The following SLIT2 variants were observed in gnomAD, a reference collection of about 807,000 sequenced individuals.
The protein encoded by SLIT2 is slit homolog 2 protein.
Under a neutral mutation model 185.7 loss-of-function variants are expected in SLIT2, and 41 were observed. The observed-to-expected ratio is 0.22, with a 90% CI of 0.17 to 0.29. The LOEUF is 0.29. SLIT2 is among the 10% of genes least tolerant of loss of function. SLIT2 has a pLI of 1.00. For synonymous variants in SLIT2, 693 were observed against 680.2 expected (o/e 1.02, Z -0.29); for missense variants, 1,571 against 1,909.0 (o/e 0.82, Z 3.30).
chr4:20,441,529 C>G (rs1279137885), intron 4 of SLIT2, among the ~76,000 whole-genome samples: 1 of 147,890 alleles, frequency 6.8e-6, no homozygotes, highest in African/African-American at 2.5e-5. Flanking sequence ...GTCTCTCTCT[C>G]TCTCTCTCTC....
At chr4:20,306,689 A>G (rs980012102) in intron 4 of SLIT2, among the ~76,000 whole-genome samples, 5 of 151,904 alleles carry the variant, frequency 3.3e-5, no homozygotes, top group Non-Finnish European at 7.4e-5. Context: ...ATTCATGGAG[A>G]AATCTTGCCT....
chr4:20,368,096 T>C (rs896493520), intron 4 of SLIT2, among the ~76,000 whole-genome samples: 1 of 152,080 alleles, frequency 6.6e-6, no homozygotes, highest in South Asian at 2.1e-4. Context: ...TGCTTTATGT[T>C]CTGTAAACAT....
chr4:20,276,994 T>C (rs1367187708), intron 4 of SLIT2, among the ~76,000 whole-genome samples: 1 of 152,236 alleles, frequency 6.6e-6, no homozygotes, highest in Non-Finnish European at 1.5e-5. Context: ...ATGGGAAAAT[T>C]GGACTGGAAG....
At chr4:20,257,485 T>C (rs1711966671) in intron 2 of SLIT2, among the ~76,000 whole-genome samples, 1 of 152,034 alleles carries the variant, frequency 6.6e-6, no homozygotes, top group Non-Finnish European at 1.5e-5. Flanking sequence ...TGTGTATCCA[T>C]GTCAGAATTG....
chr4:20,410,534 G>A (rs1727160694), intron 4 of SLIT2, among the ~76,000 whole-genome samples: 1 of 151,806 alleles, frequency 6.6e-6, no homozygotes, highest in Non-Finnish European at 1.5e-5. Flanking sequence ...GATTACAGGT[G>A]TGAGCCACTG....
At chr4:20,308,234 G>A (rs928192247) in intron 4 of SLIT2, among the ~76,000 whole-genome samples, 1 of 152,100 alleles carries the variant, frequency 6.6e-6, no homozygotes, top group Non-Finnish European at 1.5e-5. Context: ...ATTCAGAAAC[G>A]GGATGTCATA....
intron 4 of SLIT2, among the ~76,000 whole-genome samples, chr4:20,391,519 C>T (rs973087690): frequency 6.6e-6 from 1 of 152,118 alleles, no homozygotes; most frequent in Non-Finnish European, 1.5e-5. Flanking sequence ...ATGGCTGATC[C>T]ATTTAGACTT....
chr4:20,465,552 C>T, intron 4 of SLIT2, among the ~76,000 whole-genome samples: 1 of 152,216 alleles, frequency 6.6e-6, no homozygotes, highest in African/African-American at 2.4e-5. Context: ...AGGGGACAAC[C>T]ACACATAAAC....
intron 4 of SLIT2, among the ~76,000 whole-genome samples, chr4:20,281,604 A>C (rs554332064): frequency 9.9e-5 from 15 of 152,282 alleles, no homozygotes; most frequent in Non-Finnish European, 1.8e-4. Flanking sequence ...TGAATTCCAC[A>C]CCTAATGAAT....
rs1715520017 is a variant in SLIT2, at chr4:20,472,524, CTATATATA to C, written c.467+4702_467+4709del. On this transcript the variant is annotated intron_variant, in intron 5 of 36. Transcript: ENST00000504154. ...TATCTATATATAGATAGATATATAT[CTATATATA>C]GATATATCTATATCTATATATAGAT... Among the ~76,000 whole-genome samples the C allele has an allele frequency of 2.6e-4, 2 of 7,752 alleles. 1 individual carries two copies. Among genetic ancestry groups the C allele is most frequent in the Non-Finnish European group, 3.9e-4 (2 of 5,074 alleles). The allele number at this position is 7,752 out of a possible 152,430, so 5.1% of individuals were successfully genotyped here.
chr4:20,453,090 T>C (rs891464462), intron 4 of SLIT2, among the ~76,000 whole-genome samples: 1 of 152,240 alleles, frequency 6.6e-6, no homozygotes, highest in Non-Finnish European at 1.5e-5. Context: ...TGTGGAAAGA[T>C]TAGCTTAAGA....
rs1717046210 is a variant in SLIT2 at position 20,484,780 on chromosome 4, A to G, written c.540-1420A>G. 6.6e-6 allele frequency among the ~76,000 whole-genome samples: 1 copy of G among 152,098 alleles called. No homozygotes were observed. The highest frequency in any genetic ancestry group is 2.4e-5 in the African/African-American group (1 of 41,420). On this transcript the variant is annotated intron_variant, in intron 6 of 36. Transcript: ENST00000504154. This position sits in a 1 kb window ranked among gnomAD's most constrained non-coding sequence, Gnocchi z 4.3. Reference sequence around the variant, plus strand: ...TCTCTAGCTTCCCTTGGAAAATCTGATTGTTTGACAGCCCTCCCTTACAGC... The same window carrying G: ...TCTCTAGCTTCCCTTGGAAAATCTGGTTGTTTGACAGCCCTCCCTTACAGC...
intron 4 of SLIT2, among the ~76,000 whole-genome samples, chr4:20,388,944 A>G (rs1725181617): frequency 1.4e-5 from 2 of 146,456 alleles, no homozygotes; most frequent in South Asian, 4.3e-4. Context: ...ATACACACAT[A>G]CATGTATATA....
chr4:20,325,965 G>A, intron 4 of SLIT2, among the ~76,000 whole-genome samples: 1 of 152,156 alleles, frequency 6.6e-6, no homozygotes, highest in East Asian at 1.9e-4. Flanking sequence ...CAAAAATTTA[G>A]TGCTTGGTTT....
intron 8 of SLIT2, among the ~76,000 whole-genome samples, chr4:20,489,477 A>T (rs1186999518): frequency 1.3e-5 from 2 of 152,224 alleles, no homozygotes; most frequent in Non-Finnish European, 1.5e-5. Flanking sequence ...AATAACAAAC[A>T]TCTAAAAACA....
chr4:20,335,863 A>G (rs1720454314), intron 4 of SLIT2, among the ~76,000 whole-genome samples: 1 of 152,048 alleles, frequency 6.6e-6, no homozygotes, highest in South Asian at 2.1e-4. Flanking sequence ...AATAATAACT[A>G]CCATTTATGG....
intron 12 of SLIT2, among the ~76,000 whole-genome samples, chr4:20,522,831 G>T (rs1016446395): frequency 6.6e-6 from 1 of 152,118 alleles, no homozygotes; most frequent in Non-Finnish European, 1.5e-5. Flanking sequence ...TGAGCTCCCA[G>T]TATGTGCTGG....
intron 33 of SLIT2, among the ~76,000 whole-genome samples, chr4:20,599,830 GCCT>G (rs1305647872): frequency 2.6e-5 from 4 of 152,218 alleles, no homozygotes; most frequent in African/African-American, 7.2e-5. Context: ...GGAGACACTG[GCCT>G]GCATGTTATT....
intron 4 of SLIT2, among the ~76,000 whole-genome samples, chr4:20,375,723 A>C (rs1303161414): frequency 6.6e-6 from 1 of 152,044 alleles, no homozygotes; most frequent in Non-Finnish European, 1.5e-5. Context: ...CATTACAATA[A>C]CATCTGCGTA....
Sources: gnomAD v4.1 joint callset for allele counts (sites outside exome capture counted in the v4.1 genomes callset) on GRCh38, gnomAD v4.1.1 for gene constraint, Gnocchi (gnomAD v3.1) non-coding constraint, MANE v1.5 for transcripts, NCBI Gene and HGNC (gene_info 2026-07-23, HGNC 2026-07-21) for gene names.